MAP4K4: variants seen among roughly 807,000 people sequenced by gnomAD.
MAP4K4 encodes the protein HPK/GCK-like kinase HGK.
A neutral mutation model predicts 189.6 loss-of-function variants in MAP4K4; 38 were observed. The observed-to-expected ratio is 0.20, with a 90% confidence interval of 0.15 to 0.26. The LOEUF (loss-of-function observed/expected upper bound fraction) is 0.26, where lower values mean the gene tolerates loss of function less well. Ranked by LOEUF, MAP4K4 falls within the 10% of genes least tolerant of loss-of-function variation. The pLI is 1.00. For missense variants in MAP4K4, 1,054 were observed against 1,726.9 expected, an observed-to-expected ratio of 0.61 and a Z score of 6.91; for synonymous variants, 610 against 624.3, an observed-to-expected ratio of 0.98 and a Z score of 0.34.
intron 27 of MAP4K4, 82 bp from the exon 28 acceptor site, chr2:101,882,469 G>T: frequency 8.8e-7 from 1 of 1,137,692 alleles, no homozygotes. Context: ...TTAAGTGATT[G>T]ATTTCTTTTG....
chr2:101,886,631 G>A (rs1261139069), intron 29 of MAP4K4, among the ~76,000 whole-genome samples: 2 of 152,120 alleles, frequency 1.3e-5, no homozygotes, highest in African/African-American at 4.8e-5. Context: ...TAATTAACAG[G>A]CAAAAACGTA....
intron 3 of MAP4K4, among the ~76,000 whole-genome samples, chr2:101,811,312 A>C: frequency 7.3e-6 from 1 of 137,246 alleles, no homozygotes; most frequent in East Asian, 2.4e-4. Flanking sequence ...CAGAGGTTGC[A>C]GTGAGCCGAG....
chr2:101,707,057 G>A (rs998153181), intron 2 of MAP4K4, among the ~76,000 whole-genome samples: 4 of 152,046 alleles, frequency 2.6e-5, no homozygotes, highest in African/African-American at 9.7e-5. Flanking sequence ...TCTGATTTTG[G>A]CCTTGCACCT....
At chr2:101,873,678 A>G (rs2098119004) in exon 25 of MAP4K4, 1 of 1,612,214 alleles carries the variant, frequency 6.2e-7, no homozygotes, top group African/African-American at 1.3e-5. Flanking sequence ...CTCCAGAAAC[A>G]CAAATCTTCC....
At chr2:101,872,793 G>A (rs1392495361) in intron 24 of MAP4K4, among the ~76,000 whole-genome samples, 1 of 152,102 alleles carries the variant, frequency 6.6e-6, no homozygotes, top group African/African-American at 2.4e-5. Flanking sequence ...CAGGACAAAA[G>A]CACTTGATCA....
chr2:101,836,798 A>C (rs2096769712), intron 9 of MAP4K4, among the ~76,000 whole-genome samples: 1 of 152,140 alleles, frequency 6.6e-6, no homozygotes, highest in Non-Finnish European at 1.5e-5. Flanking sequence ...ACTCTCATAC[A>C]TTTGTCAAAC....
intron 2 of MAP4K4, among the ~76,000 whole-genome samples, chr2:101,701,931 T>C (rs2149152466): frequency 6.6e-6 from 1 of 152,300 alleles, no homozygotes. Context: ...AGTGGCACCA[T>C]CTCTACTCAC....
rs1454302590 is a variant in MAP4K4 at position 101,781,400 on chromosome 2, C to T, written c.124-9320C>T. Among the ~76,000 whole-genome samples, 3 of 152,294 alleles carry T rather than the reference C, an allele frequency of 2.0e-5. No individual in the cohort carries two copies. In the South Asian group the frequency reaches 6.2e-4, roughly 32 times the overall value. ...TTTGTGCTGCTGTAGTAGACCACCA[C>T]AGACTGAGTACTTTAAATGAACAGG... On this transcript the variant is annotated intron_variant, in intron 2 of 32. Transcript: ENST00000324219.
At chr2:101,752,501 A>T (rs961880601) in intron 2 of MAP4K4, among the ~76,000 whole-genome samples, 1 of 152,140 alleles carries the variant, frequency 6.6e-6, no homozygotes, top group Non-Finnish European at 1.5e-5. Context: ...TATAGTGCCT[A>T]GCCTATTTTC....
intron 2 of MAP4K4, among the ~76,000 whole-genome samples, chr2:101,730,381 C>G (rs572244280): frequency 1.3e-5 from 2 of 152,278 alleles, no homozygotes; most frequent in South Asian, 2.1e-4. Flanking sequence ...TTGCCCCGCT[C>G]TCCTTTTTGG....
chr2:101,853,593 G>C (rs1415478626), intron 12 of MAP4K4, among the ~76,000 whole-genome samples: 1 of 152,066 alleles, frequency 6.6e-6, no homozygotes, highest in Non-Finnish European at 1.5e-5. Context: ...GAACATACAG[G>C]AATAATTTAA....
intron 2 of MAP4K4, among the ~76,000 whole-genome samples, chr2:101,759,476 C>T (rs1461092026): frequency 1.1e-5 from 1 of 89,156 alleles, no homozygotes; most frequent in African/African-American, 4.8e-5. Context: ...CCCTTTCCCT[C>T]TCCCCTCCCC....
chr2:101,805,978 G>A (rs898476060), intron 3 of MAP4K4, among the ~76,000 whole-genome samples: 2 of 152,010 alleles, frequency 1.3e-5, no homozygotes, highest in African/African-American at 4.8e-5. Context: ...GATGGTGTAG[G>A]TTTGGGGTGG....
exon 33 of MAP4K4, chr2:101,891,322 G>A: frequency 7.5e-7 from 1 of 1,332,692 alleles, no homozygotes; most frequent in Non-Finnish European, 1.1e-6. Context: ...CCTTGTAACT[G>A]GAGCTCGGAG....
intron 26 of MAP4K4, among the ~76,000 whole-genome samples, 191 bp from the exon 27 acceptor site, chr2:101,876,812 G>T (rs1227634112): frequency 6.6e-6 from 1 of 152,168 alleles, no homozygotes; most frequent in Non-Finnish European, 1.5e-5. Context: ...CAGCATCATT[G>T]CTACATGGTG....
intron 2 of MAP4K4, among the ~76,000 whole-genome samples, chr2:101,757,211 T>G (rs1404458080): frequency 6.6e-6 from 1 of 152,234 alleles, no homozygotes; most frequent in East Asian, 1.9e-4. Context: ...CTCATTGAAA[T>G]AATTATAGTT....
chr2:101,790,823 A>C, intron 3 of MAP4K4, 47 bp downstream of exon 3: 2 of 1,434,112 alleles, frequency 1.4e-6, no homozygotes, highest in Non-Finnish European at 1.9e-6. Flanking sequence ...GATGGAAGAC[A>C]AAGATTCCCC....
At chr2:101,793,481 A>C (rs1287548293) in intron 3 of MAP4K4, among the ~76,000 whole-genome samples, 1 of 149,648 alleles carries the variant, frequency 6.7e-6, no homozygotes, top group Non-Finnish European at 1.5e-5. Flanking sequence ...TGAATGAGAG[A>C]GATTTTGCAG....
intron 2 of MAP4K4, among the ~76,000 whole-genome samples, chr2:101,726,856 T>G (rs943766049): frequency 6.6e-6 from 1 of 152,180 alleles, no homozygotes; most frequent in Non-Finnish European, 1.5e-5. Context: ...GAAAAGGGAT[T>G]TGTATCTTAC....
Sources: allele counts gnomAD v4.1 joint callset (sites outside exome capture counted in the v4.1 genomes callset), GRCh38; gene constraint gnomAD v4.1.1; transcripts MANE v1.5; gene names NCBI Gene and HGNC (gene_info 2026-07-23, HGNC 2026-07-21).